LNPEP: variants seen among roughly 807,000 people sequenced by gnomAD.
LNPEP encodes leucyl-cystinyl aminopeptidase.
In LNPEP, 64 loss-of-function variants were observed where a neutral mutation model predicts 120.6. The ratio of observed to expected loss-of-function variants is 0.53; its 90% CI spans 0.43 to 0.65. The LOEUF (loss-of-function observed/expected upper bound fraction) is 0.65. Ranked by LOEUF, LNPEP falls within the 30% of genes least tolerant of loss-of-function variation. The pLI is 0.00. For missense variants in LNPEP, 1,057 were observed against 1,200.0 expected, an observed-to-expected ratio of 0.88 and a Z score of 1.76; for synonymous variants, 435 against 425.4, an observed-to-expected ratio of 1.02 and a Z score of -0.28.
rs1331891263 is a variant in LNPEP at position 96,948,380 on chromosome 5, A to G, written c.19+12206A>G. Reference sequence around the variant, plus strand: ...TGATCTGCCTTTCTCGGCCTCCCAAAGTGTTGGGATTACAGGCGTGAGCCA... The same window carrying G: ...TGATCTGCCTTTCTCGGCCTCCCAAGGTGTTGGGATTACAGGCGTGAGCCA... On this transcript the variant is annotated intron_variant, in intron 1 of 17. Transcript: ENST00000231368. 2.0e-5 allele frequency among the ~76,000 whole-genome samples: 3 copies of G among 152,174 alleles called. No individual in the cohort carries two copies. The East Asian group carries it at 5.8e-4, about 29-fold the overall frequency.
At chr5:96,938,949 G>A (rs1788986927) in intron 1 of LNPEP, among the ~76,000 whole-genome samples, 1 of 149,386 alleles carries the variant, frequency 6.7e-6, no homozygotes, top group Non-Finnish European at 1.5e-5. Flanking sequence ...GGCAGGTAGA[G>A]GTAAAACTGT....
chr5:96,936,173 T>C lies in LNPEP; in HGVS notation c.18T>C (p.Asn6=). The part of the protein sequence containing the change: MEPFT[N]DRLQLPRNMI... ...GGGGGAAAATGGAGCCCTTCACCAATGGTGAGTGGGCTGCCGAGGCGCCGG... is the reference window on the plus strand; with the variant it reads ...GGGGGAAAATGGAGCCCTTCACCAACGGTGAGTGGGCTGCCGAGGCGCCGG... Residue 6 remains asparagine, a splice_region_variant and synonymous_variant, in exon 1 of 18, where the codon AAT becomes AAC. Coordinates refer to ENST00000231368, the MANE Select transcript of LNPEP (RefSeq NM_005575.3). 6.8e-7 allele frequency: 1 copy of C among 1,471,120 alleles called. No homozygotes were observed. Among genetic ancestry groups the C allele is most frequent in the East Asian group, 2.8e-5 (1 of 35,364 alleles). 91.1% of individuals were successfully genotyped at this position (1,471,120 alleles called of 1,614,324 possible). A position where few individuals can be genotyped will look rare whatever the true frequency, so the allele number is the denominator to read the frequency against.
rs1347269055 is a variant in LNPEP, at chr5:97,017,258, G to A, written c.2376+2163G>A. ...GAAGATGATTTTCTTTTTGATATAT[G>A]TATTGACCATTAGATGTTCTTTTGT... On this transcript the variant is annotated intron_variant, in intron 13 of 17. Transcript: ENST00000231368. Among the ~76,000 whole-genome samples the A allele has an allele frequency of 2.0e-5, 3 of 151,986 alleles. No individual in the cohort carries two copies. In the East Asian group the frequency reaches 5.8e-4, roughly 29 times the overall value.
At chr5:96,969,725 T>C (rs1319773508) in intron 1 of LNPEP, among the ~76,000 whole-genome samples, 3 of 151,606 alleles carry the variant, frequency 2.0e-5, no homozygotes, top group African/African-American at 7.3e-5. Context: ...GGTTTCTATT[T>C]TGTTGATTTT....
At chr5:96,986,466 C>A in intron 3 of LNPEP, 73 bp from the exon 4 acceptor site, 1 of 1,410,936 alleles carries the variant, frequency 7.1e-7, no homozygotes, top group Non-Finnish European at 9.8e-7. Context: ...TTTGAATTTT[C>A]AGTTTCTCAG....
Position 96,936,099 on chromosome 5 carries a change from G to A in LNPEP, c.-57G>A. ...ATGCTCAGTCAGCTGGGCCGCCTCA[G>A]CTCTCGGAGTAGGAAGCTCGGGCGC... On this transcript the variant is annotated 5_prime_UTR_variant, in exon 1 of 18. Coordinates refer to ENST00000231368, the MANE Select transcript of LNPEP (RefSeq NM_005575.3). The A allele has an allele frequency of 6.6e-7, 1 of 1,514,216 alleles. No homozygotes were observed. The highest frequency in any genetic ancestry group is 8.8e-7 in the Non-Finnish European group (1 of 1,130,992). The allele number at this position is 1,514,216 out of a possible 1,614,324, so 93.8% of individuals were successfully genotyped here.
At chr5:97,022,910 T>C (rs1238995068) in intron 14 of LNPEP, among the ~76,000 whole-genome samples, 3 of 150,946 alleles carry the variant, frequency 2.0e-5, no homozygotes, top group African/African-American at 7.3e-5. Context: ...TTTTAAAAAA[T>C]TGTGGTAAAA....
chr5:96,996,907 A>G (rs1790528875), intron 7 of LNPEP, among the ~76,000 whole-genome samples: 1 of 152,084 alleles, frequency 6.6e-6, no homozygotes, highest in South Asian at 2.1e-4. Context: ...AAATTAAAAC[A>G]TTTTATAGCA....
chr5:96,989,751 A>G (rs2112622777), intron 4 of LNPEP, among the ~76,000 whole-genome samples: 1 of 152,272 alleles, frequency 6.6e-6, no homozygotes, highest in African/African-American at 2.4e-5. Flanking sequence ...AAAGCTTTAT[A>G]ATAATTGTAA....
chr5:96,960,163 C>T (rs953180913), intron 1 of LNPEP, among the ~76,000 whole-genome samples: 2 of 152,012 alleles, frequency 1.3e-5, no homozygotes, highest in African/African-American at 4.8e-5. Context: ...GTCTCGAACT[C>T]CTGACCTCAG....
intron 1 of LNPEP, among the ~76,000 whole-genome samples, chr5:96,956,890 CTT>C (rs1223617110): frequency 6.6e-6 from 1 of 152,006 alleles, no homozygotes; most frequent in South Asian, 2.1e-4. Flanking sequence ...AGTTCACTGA[CTT>C]TTTTTTCTTT....
At chr5:96,967,318 T>A (rs866959676) in intron 1 of LNPEP, among the ~76,000 whole-genome samples, 7 of 152,136 alleles carry the variant, frequency 4.6e-5, no homozygotes, top group Middle Eastern at 3.4e-3. Flanking sequence ...TATTATTTTT[T>A]TTTTTTGGTA....
At chr5:96,996,024 G>A (rs1790507660) in intron 6 of LNPEP, 1 of 159,596 alleles carries the variant, frequency 6.3e-6, no homozygotes, top group African/African-American at 2.4e-5. Context: ...ATATTAGAAG[G>A]TAGAAAAATG....
At chr5:96,949,229 A>C (rs1581976892) in intron 1 of LNPEP, among the ~76,000 whole-genome samples, 1 of 152,226 alleles carries the variant, frequency 6.6e-6, no homozygotes, top group South Asian at 2.1e-4. Flanking sequence ...TGGGTCCCCA[A>C]TTTGCATGTC....
intron 1 of LNPEP, among the ~76,000 whole-genome samples, chr5:96,960,489 G>A (rs1360236285): frequency 6.6e-6 from 1 of 152,130 alleles, no homozygotes; most frequent in African/African-American, 2.4e-5. Flanking sequence ...ATGCATTTTA[G>A]GCAAATTGGT....
chr5:97,016,996 G>A (rs1561453466), intron 13 of LNPEP, among the ~76,000 whole-genome samples: 1 of 152,022 alleles, frequency 6.6e-6, no homozygotes, highest in Admixed American at 6.6e-5. Flanking sequence ...CATTTCTATG[G>A]GATATATGTC....
chr5:96,987,307 A>T (rs144239715), intron 4 of LNPEP, among the ~76,000 whole-genome samples: 4,067 of 152,322 alleles, frequency 0.027, 67 homozygotes, highest in Non-Finnish European at 0.038. Flanking sequence ...GAAACCTAAT[A>T]AAGTTAATTT....
At chr5:96,958,450 A>C (rs1402221775) in intron 1 of LNPEP, 2 of 985,294 alleles carry the variant, frequency 2.0e-6, no homozygotes, top group African/African-American at 3.5e-5. Flanking sequence ...AACTTGGGCA[A>C]GCTCCTAACT....
Position 96,986,599 on chromosome 5 carries a change from A to T in LNPEP, c.1060A>T (p.Met354Leu). The change falls in exon 4 of 18, where the codon ATG (methionine) becomes TTG (leucine). Residue 354 changes from methionine to leucine, a missense_variant. Transcript: ENST00000231368. ...GGATGAGTTTTCTGAGAGTGTGAAG[A>T]TGAGCACTTACTTGGTTGCTTTCAT... is the stretch of plus-strand genomic sequence containing the variant. ...VQDEFSESVK[M>L]STYLVAFIVG... 1 of 1,613,680 alleles carries T rather than the reference A, an allele frequency of 6.2e-7. No homozygotes were observed. The highest frequency in any genetic ancestry group is 8.5e-7 in the Non-Finnish European group (1 of 1,179,664).
Sources: gnomAD v4.1 joint callset for allele counts (sites outside exome capture counted in the v4.1 genomes callset) on GRCh38, gnomAD v4.1.1 for gene constraint, MANE v1.5 for transcripts, NCBI Gene and HGNC (gene_info 2026-07-23, HGNC 2026-07-21) for gene names.